FAM171A2: variants seen among roughly 807,000 people sequenced by gnomAD.
The protein encoded by FAM171A2 is protein FAM171A2.
In FAM171A2, 13 loss-of-function variants were observed where a neutral mutation model predicts 34.2. The observed-to-expected ratio is 0.38, with a 90% confidence interval of 0.25 to 0.60. The LOEUF is 0.60. Ranked by LOEUF, FAM171A2 falls within the 20% of genes least tolerant of loss-of-function variation. FAM171A2 has a pLI of 0.62. For missense variants in FAM171A2, 950 were observed against 1,180.7 expected, an observed-to-expected ratio of 0.80 and a Z score of 2.86; for synonymous variants, 475 against 561.2, an observed-to-expected ratio of 0.85 and a Z score of 2.17.
chr17:44,355,323 G>C lies in FAM171A2; in HGVS notation c.1023-132C>G. The C allele has an allele frequency of 7.0e-7, 1 of 1,425,948 alleles. No homozygotes were observed. The highest frequency in any genetic ancestry group is 9.2e-7 in the Non-Finnish European group (1 of 1,083,740). 88.3% of individuals were successfully genotyped at this position (1,425,948 alleles called of 1,614,324 possible). On this transcript the variant is annotated intron_variant, in intron 7 of 7. Coordinates refer to ENST00000293443, the MANE Select transcript of FAM171A2 (RefSeq NM_198475.3). The surrounding 1 kb of genome is among the most constrained non-coding windows in gnomAD (Gnocchi z 4.1). ...GGGAGAATGCCTGGGGCGCTCAGGAGAGATGGCGGGGAGCCGCCGTGTCCG... is the reference window on the plus strand; with the variant it reads ...GGGAGAATGCCTGGGGCGCTCAGGACAGATGGCGGGGAGCCGCCGTGTCCG...
intron 5 of FAM171A2, 33 bp downstream of exon 5, chr17:44,356,140 A>G (rs1374605004): frequency 1.3e-6 from 2 of 1,526,658 alleles, no homozygotes; most frequent in East Asian, 2.5e-5. Flanking sequence ...TCTTCTCTCA[A>G]CTCAAGCACC....
rs2048405557 is a variant in FAM171A2 at position 44,353,998 on chromosome 17, G to A, written c.2216C>T (p.Thr739Met). 3.3e-6 allele frequency: 4 copies of A among 1,223,706 alleles called. No individual in the cohort carries two copies. Among genetic ancestry groups the A allele is most frequent in the South Asian group, 3.2e-5 (1 of 31,464 alleles). 75.8% of individuals were successfully genotyped at this position (1,223,706 alleles called of 1,614,324 possible). Residue 739 changes from threonine to methionine, a missense_variant, in exon 8 of 8, where the codon ACG becomes ATG. Physicochemically the swap from Thr to Met is moderately conservative, Grantham distance 81 (BLOSUM62 -1). This residue lies in a region of FAM171A2 where 191 missense variants were observed against 222.8 expected (regional missense o/e 0.86). Transcript: ENST00000293443. The part of the protein sequence containing the change: ...DTEPSSSESR[T>M]GLCSPEDNSL... Reference sequence around the variant, plus strand: ...GTTGTCCTCCGGAGAGCAGAGGCCCGTGCGGCTCTCGCTGCTGCTGGGCTC... The same window carrying A: ...GTTGTCCTCCGGAGAGCAGAGGCCCATGCGGCTCTCGCTGCTGCTGGGCTC...
intron 3 of FAM171A2, among the ~76,000 whole-genome samples, chr17:44,357,835 T>C (rs2048431790): frequency 2.0e-5 from 3 of 151,916 alleles, no homozygotes; most frequent in Admixed American, 2.0e-4. Flanking sequence ...CTTTAAGCTA[T>C]GCTGGGCACT....
intron 3 of FAM171A2, chr17:44,359,248 C>T (rs1002886513): frequency 3.7e-6 from 1 of 270,816 alleles, no homozygotes; most frequent in African/African-American, 2.2e-5. Context: ...ACCTGTGCAT[C>T]CAGCAGGTGC....
Position 44,354,050 on chromosome 17 carries a change from G to T in FAM171A2, c.2164C>A (p.Pro722Thr). 1 of 1,149,274 alleles carries T rather than the reference G, an allele frequency of 8.7e-7. No homozygotes were observed. Among genetic ancestry groups the T allele is most frequent in the Non-Finnish European group, 1.1e-6 (1 of 935,760 alleles). The allele number at this position is 1,149,274 out of a possible 1,614,324, so 71.2% of individuals were successfully genotyped here. The change falls in exon 8 of 8, where the codon CCG becomes ACG. Residue 722 changes from proline (P) to threonine (T), a missense_variant. Physicochemically the swap from Pro to Thr is conservative, Grantham distance 38. Transcript: ENST00000293443. The surrounding 1 kb of genome is among the most constrained non-coding windows in gnomAD (Gnocchi z 5.8). ...GTGTCCTCGCTGAGCGCCAGGCGCG[G>T]GGGCGCGGGCGGCGGCGGCGGCGCG... ...PAAPPPPPAP[P>T]RLALSEDTEP...
Position 44,355,027 on chromosome 17 carries a change from C to A in FAM171A2, c.1187G>T (p.Gly396Val). The change falls in exon 8 of 8, where the codon GGC becomes GTC. Residue 396 changes from glycine to valine, a missense_variant. By Grantham distance (109) the Gly-to-Val change is moderately radical. This residue lies in a region of FAM171A2 where 752 missense variants were observed against 924.5 expected (regional missense o/e 0.81). Transcript: ENST00000293443. This position sits in a 1 kb window ranked among gnomAD's most constrained non-coding sequence, Gnocchi z 4.1. ...PSGDPEAPPP[G>V]PLHSAFSSSR... The stretch of plus-strand genomic sequence containing the variant: ...GCTGGAGAAGGCCGAGTGGAGGGGG[C>A]CTGGAGGCGGAGCCTCGGGGTCCCC... The A allele has an allele frequency of 6.5e-7, 1 of 1,530,716 alleles. No individual in the cohort carries two copies. The highest frequency in any genetic ancestry group is 8.8e-7 in the Non-Finnish European group (1 of 1,138,426). 94.8% of individuals were successfully genotyped at this position (1,530,716 alleles called of 1,614,324 possible).
Position 44,356,159 on chromosome 17 carries a change from CCT to C in FAM171A2, c.778+12_778+13del. On this transcript the variant is annotated intron_variant, in intron 5 of 7. Transcript: ENST00000293443. ...CTCTCAACTCAAGCACCTGCAGCCC[CCT>C]GAGGCACTTACCACTCTTGGGGTCA... The C allele has an allele frequency of 1.9e-6, 3 of 1,539,272 alleles. No homozygotes were observed. Among genetic ancestry groups the C allele is most frequent in the Non-Finnish European group, 2.6e-6 (3 of 1,138,036 alleles).
intron 1 of FAM171A2, among the ~76,000 whole-genome samples, chr17:44,361,045 A>G (rs2048445930): frequency 6.6e-6 from 1 of 152,144 alleles, no homozygotes; most frequent in South Asian, 2.1e-4. Flanking sequence ...GGGGGGAGCA[A>G]CCCAGGCCCA....
rs1477854727 is a variant in FAM171A2 at position 44,354,985 on chromosome 17, G to C, written c.1229C>G (p.Ser410Cys). ...SAFSSSRDLA[S>C]SRDDFFRTKP... ...GGTGCGGAAGAAGTCATCCCGGGAG[G>C]AGGCCAAGTCCCGGGAGCTGGAGAA... The change falls in exon 8 of 8, where the codon TCC becomes TGC. Residue 410 changes from serine (S) to cysteine (C), a missense_variant. Ser to Cys is a moderately radical substitution (Grantham distance 112). Coordinates refer to ENST00000293443, the MANE Select transcript of FAM171A2 (RefSeq NM_198475.3). This position sits in a 1 kb window ranked among gnomAD's most constrained non-coding sequence, Gnocchi z 5.8. 6.7e-7 allele frequency: 1 copy of C among 1,483,052 alleles called. No individual in the cohort carries two copies. Among genetic ancestry groups the C allele is most frequent in the Non-Finnish European group, 8.9e-7 (1 of 1,119,050 alleles). 91.9% of individuals were successfully genotyped at this position (1,483,052 alleles called of 1,614,324 possible).
rs762241019 is a variant in FAM171A2, at chr17:44,359,999, G to A, written c.252C>T (p.Pro84=). 7 of 1,551,590 alleles carry A rather than the reference G, an allele frequency of 4.5e-6. No individual in the cohort carries two copies. The highest frequency in any genetic ancestry group is 6.1e-6 in the Non-Finnish European group (7 of 1,147,014). The part of the protein sequence containing the change: ...TTDSEGVATL[P]LSYRLGTWVL... ...CCCAGGTGCCCAAGCGATAACTGAG[G>A]GGCAGGGTGGCCACACCCTCTGAGT... The change falls in exon 2 of 8, where the codon CCC becomes CCT. Residue 84 remains proline, a synonymous_variant. Coordinates refer to ENST00000293443, the MANE Select transcript of FAM171A2 (RefSeq NM_198475.3).
rs2048412532 is a variant in FAM171A2, at chr17:44,354,740, C to T, written c.1474G>A (p.Glu492Lys). ...AGCAGGAAGTCGGGGGTCTTGCCCT[C>T]GGCCGCCCCCTTGTGGCCCAGGTAG... ...DHYLGHKGAA[E>K]GKTPDFLLSQ... The change falls in exon 8 of 8, where the codon GAG (glutamate) becomes AAG (lysine). Residue 492 changes from glutamate (E) to lysine (K), a missense_variant. By Grantham distance (56) the Glu-to-Lys change is moderately conservative (BLOSUM62 1). Coordinates refer to ENST00000293443, the MANE Select transcript of FAM171A2 (RefSeq NM_198475.3). This position sits in a 1 kb window ranked among gnomAD's most constrained non-coding sequence, Gnocchi z 5.8. 3 of 1,310,686 alleles carry T rather than the reference C, an allele frequency of 2.3e-6. No homozygotes were observed. The African/African-American group carries it at 4.6e-5, about 20-fold the overall frequency. The allele number at this position is 1,310,686 out of a possible 1,614,324, so 81.2% of individuals were successfully genotyped here.
chr17:44,360,149 G>A lies in FAM171A2; in HGVS notation c.119-17C>T. On this transcript the variant is annotated splice_polypyrimidine_tract_variant and intron_variant, in intron 1 of 7. Coordinates refer to ENST00000293443, the MANE Select transcript of FAM171A2 (RefSeq NM_198475.3). ...TCAGGATCTCTGTGGGCAAGATGGG[G>A]CAAAGGGAGTGAGGACGAGGGAGGG... 6.5e-7 allele frequency: 1 copy of A among 1,545,422 alleles called. No homozygotes were observed. The highest frequency in any genetic ancestry group is 2.4e-5 in the East Asian group (1 of 40,842).
intron 3 of FAM171A2, 132 bp from the exon 4 acceptor site, chr17:44,356,720 C>T: frequency 2.0e-6 from 2 of 999,974 alleles, no homozygotes; most frequent in Non-Finnish European, 2.8e-6. Context: ...AGGGTGATGC[C>T]TTGGGGAGAA....
At chr17:44,359,722 C>A (rs977336928) in intron 2 of FAM171A2, 51 bp from the exon 3 acceptor site, 48 of 1,460,584 alleles carry the variant, frequency 3.3e-5, no homozygotes, top group African/African-American at 5.6e-5. Flanking sequence ...CCCTACCCCC[C>A]AGCCAGGCAC....
At chr17:44,360,616 C>T (rs79939366) in intron 1 of FAM171A2, among the ~76,000 whole-genome samples, 2,196 of 152,080 alleles carry the variant, frequency 0.014, 58 homozygotes, top group African/African-American at 0.05. Context: ...CCTCTAGAAG[C>T]GACATTCTTA....
chr17:44,356,618 G>A (rs1161188224), intron 3 of FAM171A2, 30 bp from the exon 4 acceptor site: 8 of 1,515,240 alleles, frequency 5.3e-6, no homozygotes, highest in Non-Finnish European at 7.1e-6. Context: ...GCAGTGGCTT[G>A]ACCATGGACA....
At chr17:44,363,432 C>T (rs949571363) in intron 1 of FAM171A2, among the ~76,000 whole-genome samples, 165 bp downstream of exon 1, 2 of 152,150 alleles carry the variant, frequency 1.3e-5, no homozygotes, top group African/African-American at 4.8e-5. Flanking sequence ...CCCGCCTCCA[C>T]TTTCCCCCAG....
In FAM171A2 at chr17:44,355,584, C is replaced by T. The variant is rs2048418906; in HGVS notation, c.1022+131G>A. On this transcript the variant is annotated intron_variant, in intron 7 of 7. Coordinates refer to ENST00000293443, the MANE Select transcript of FAM171A2 (RefSeq NM_198475.3). The surrounding 1 kb of genome is among the most constrained non-coding windows in gnomAD (Gnocchi z 4.1). ...TCTTCAACCACCAGCACCAGCCCTT[C>T]AGGTCTTAGCATGTTTGCAGGAAGT... The T allele has an allele frequency of 2.3e-6, 3 of 1,318,340 alleles. No homozygotes were observed. The highest frequency in any genetic ancestry group is 3.1e-6 in the Non-Finnish European group (3 of 969,446). 81.7% of individuals were successfully genotyped at this position (1,318,340 alleles called of 1,614,324 possible).
Position 44,353,654 on chromosome 17 carries a change from G to A in FAM171A2, c.*79C>T. 9.2e-7 allele frequency: 1 copy of A among 1,081,884 alleles called. No individual in the cohort carries two copies. The highest frequency in any genetic ancestry group is 4.3e-5 in the South Asian group (1 of 23,230). The allele number at this position is 1,081,884 out of a possible 1,614,324, so 67.0% of individuals were successfully genotyped here. A position where few individuals can be genotyped will look rare whatever the true frequency, so the allele number is the denominator to read the frequency against. The stretch of plus-strand genomic sequence containing the variant: ...GCCTGGGGCTGGGAGCTACGCGCGA[G>A]GGCCCCCGCGGGCCCCCGGGGCGCG... On this transcript the variant is annotated 3_prime_UTR_variant, in exon 8 of 8. Transcript: ENST00000293443.
Sources: allele counts gnomAD v4.1 joint callset (sites outside exome capture counted in the v4.1 genomes callset), GRCh38; gene constraint gnomAD v4.1.1; regional missense constraint gnomAD v4.1.1; non-coding constraint Gnocchi (gnomAD v3.1); transcripts MANE v1.5; gene names NCBI Gene and HGNC (gene_info 2026-07-23, HGNC 2026-07-21).